The following EGFR variants were observed in gnomAD, a reference collection of about 807,000 sequenced individuals.
EGFR encodes avian erythroblastic leukemia viral (v-erb-b) oncogene homolog.
In EGFR, 58 loss-of-function variants were observed where a neutral mutation model predicts 143.0. The observed-to-expected ratio is 0.41, with a 90% confidence interval of 0.33 to 0.50. The LOEUF (loss-of-function observed/expected upper bound fraction) is 0.50, where lower values mean the gene tolerates loss of function less well. Ranked by LOEUF, EGFR falls within the 20% of genes least tolerant of loss-of-function variation. The pLI, the probability that EGFR is intolerant of heterozygous loss-of-function variation, is 0.39. For synonymous variants in EGFR, 613 were observed against 594.4 expected (o/e 1.03, Z -0.45); for missense variants, 1,307 against 1,579.0 (o/e 0.83, Z 2.92).
rs570323609 is a variant in EGFR, at chr7:55,168,782, G to A, written c.1881-2393G>A. 1.5e-4 allele frequency: 77 copies of A among 526,644 alleles called. No homozygotes were observed. In the East Asian group the frequency reaches 2.1e-3, roughly 14 times the overall value. The allele number at this position is 526,644 out of a possible 1,614,324, so 32.6% of individuals were successfully genotyped here. On this transcript the variant is annotated intron_variant, in intron 15 of 27. Transcript: ENST00000275493. The stretch of plus-strand genomic sequence containing the variant: ...GCCATTAATTATATAGGAATTACAC[G>A]ATAGAAATGGGTTTAATTTTTAAAA...
At chr7:55,032,983 CA>C (rs1198401987) in intron 1 of EGFR, among the ~76,000 whole-genome samples, 1 of 152,146 alleles carries the variant, frequency 6.6e-6, no homozygotes, top group Non-Finnish European at 1.5e-5. Context: ...GCTCTTAAAG[CA>C]AAGTCTTCAA....
intron 1 of EGFR, among the ~76,000 whole-genome samples, chr7:55,078,895 G>A (rs1254084999): frequency 1.3e-5 from 2 of 152,228 alleles, no homozygotes; most frequent in African/African-American, 4.8e-5. Flanking sequence ...CCCTGTCTCC[G>A]GCCAGGCACG....
At chr7:55,204,437 C>A (rs1788014324) in intron 27 of EGFR, among the ~76,000 whole-genome samples, 1 of 150,878 alleles carries the variant, frequency 6.6e-6, no homozygotes, top group Admixed American at 6.6e-5. Context: ...CACATGTACA[C>A]ACACACCACA....
chr7:55,081,673 T>C (rs1264666692), intron 1 of EGFR, among the ~76,000 whole-genome samples: 1 of 151,770 alleles, frequency 6.6e-6, no homozygotes. Context: ...GGGCCATCAC[T>C]GCACAATTCA....
At chr7:55,198,680 G>C (rs751164541) in intron 22 of EGFR, 37 bp from the exon 23 acceptor site, 12 of 1,613,844 alleles carry the variant, frequency 7.4e-6, no homozygotes, top group Non-Finnish European at 9.3e-6. Context: ...GTTCATTCAT[G>C]ATCCCACTGC....
At chr7:55,183,993 A>G (rs1787014192) in intron 20 of EGFR, among the ~76,000 whole-genome samples, 1 of 152,216 alleles carries the variant, frequency 6.6e-6, no homozygotes. Flanking sequence ...CTTAAGGGGC[A>G]CGTAGTCTTG....
At chr7:55,066,299 A>G (rs867765643) in intron 1 of EGFR, among the ~76,000 whole-genome samples, 77 of 152,234 alleles carry the variant, frequency 5.1e-4, no homozygotes, top group Admixed American at 9.8e-4. Context: ...TTTGATAACT[A>G]ATGAGGCACT....
intron 19 of EGFR, chr7:55,179,637 A>G (rs1276525943): frequency 6.6e-6 from 1 of 152,260 alleles, no homozygotes; most frequent in Non-Finnish European, 1.5e-5. Flanking sequence ...TAGGGCAAGG[A>G]AAGCGTGTGA....
intron 22 of EGFR, among the ~76,000 whole-genome samples, chr7:55,196,782 CTT>C (rs370316535): frequency 2.8e-5 from 4 of 142,580 alleles, no homozygotes; most frequent in Admixed American, 7.0e-5. Flanking sequence ...TTATTCATTG[CTT>C]TTTTTTTTTT....
At chr7:55,086,588 C>T (rs1480912843) in intron 1 of EGFR, among the ~76,000 whole-genome samples, 4 of 152,246 alleles carry the variant, frequency 2.6e-5, no homozygotes, top group Admixed American at 6.5e-5. Context: ...CCTGCCCAGG[C>T]GGGCTACTGT....
intron 1 of EGFR, among the ~76,000 whole-genome samples, chr7:55,115,567 G>A (rs775779597): frequency 5.9e-5 from 9 of 152,100 alleles, no homozygotes; most frequent in Non-Finnish European, 1.0e-4. Flanking sequence ...AGAGTAACTC[G>A]CAGTTCTCTG....
intron 1 of EGFR, among the ~76,000 whole-genome samples, chr7:55,065,093 G>C (rs78397712): frequency 6.6e-6 from 1 of 152,316 alleles, no homozygotes; most frequent in African/African-American, 2.4e-5. Context: ...GTCAACTCAA[G>C]TTATCTGAAA....
intron 19 of EGFR, chr7:55,180,826 C>A (rs1786827144): frequency 4.7e-6 from 1 of 215,018 alleles, no homozygotes; most frequent in African/African-American, 2.3e-5. Flanking sequence ...TCCTCTGCAG[C>A]ACCCACAGCC....
chr7:55,062,107 G>A (rs1393669947), intron 1 of EGFR, among the ~76,000 whole-genome samples: 1 of 152,226 alleles, frequency 6.6e-6, no homozygotes, highest in African/African-American at 2.4e-5. Flanking sequence ...TGAAGAGTAA[G>A]AAGTCTATCT....
chr7:55,125,061 G>A (rs1036462773), intron 1 of EGFR, among the ~76,000 whole-genome samples: 8 of 152,168 alleles, frequency 5.3e-5, no homozygotes, highest in Non-Finnish European at 1.0e-4. Flanking sequence ...GGATGCCCTC[G>A]GGCTGCATTT....
At chr7:55,124,671 T>C (rs936678524) in intron 1 of EGFR, among the ~76,000 whole-genome samples, 2 of 152,298 alleles carry the variant, frequency 1.3e-5, no homozygotes, top group Middle Eastern at 3.4e-3. Context: ...CTTCTGATCA[T>C]CCATTGGGTG....
intron 1 of EGFR, among the ~76,000 whole-genome samples, chr7:55,130,708 C>T (rs554530489): frequency 3.9e-5 from 6 of 152,212 alleles, no homozygotes; most frequent in Non-Finnish European, 8.8e-5. Flanking sequence ...GAGGGTCAGG[C>T]GAGGCCCTTT....
chr7:55,034,643 C>G (rs1787455305), intron 1 of EGFR, among the ~76,000 whole-genome samples: 1 of 152,172 alleles, frequency 6.6e-6, no homozygotes. Context: ...AAAAAATGCG[C>G]CAACCATCTG....
intron 1 of EGFR, among the ~76,000 whole-genome samples, chr7:55,081,607 G>A (rs1036340764): frequency 3.3e-5 from 5 of 152,076 alleles, no homozygotes; most frequent in Admixed American, 6.5e-5. Flanking sequence ...CCATCCTTCC[G>A]TGCTCCCAGG....
Sources: allele counts gnomAD v4.1 joint callset (sites outside exome capture counted in the v4.1 genomes callset), GRCh38; gene constraint gnomAD v4.1.1; transcripts MANE v1.5; gene names NCBI Gene and HGNC (gene_info 2026-07-23, HGNC 2026-07-21).